GGTA1: variants seen among roughly 807,000 people sequenced by gnomAD.
GGTA1 encodes the protein inactive N-acetyllactosaminide alpha-1,3-galactosyltransferase.
GGTA1 carries 5 observed loss-of-function variants against 2.6 expected under a neutral mutation model. The observed-to-expected ratio is 1.92, with a 90% confidence interval of 1.00 to 4.04. The LOEUF is 4.04. GGTA1 is among the 30% of genes most tolerant of loss of function. The probability of loss-of-function intolerance (pLI) is 0.00; values close to 1 mark genes in which losing one functional copy is unlikely to be tolerated. For synonymous variants in GGTA1, 17 were observed against 5.0 expected (o/e 3.38, Z -3.19); for missense variants, 50 against 16.7 (o/e 2.99, Z -3.47).
exon 8 of GGTA1, chr9:121,445,905 C>G (rs950984955): frequency 7.9e-5 from 12 of 152,154 alleles, no homozygotes; most frequent in Non-Finnish European, 1.5e-4. Context: ...TCTGATGAAG[C>G]CCACATCCTA....
At chr9:121,450,147 G>T (rs893372973), downstream of GGTA1, among the ~76,000 whole-genome samples, 1 of 152,182 alleles carries the variant, frequency 6.6e-6, no homozygotes, top group Non-Finnish European at 1.5e-5. Context: ...TGCTTTTAAT[G>T]TTGGCATGTG....
Position 121,455,222 on chromosome 9 carries a change from C to G in GGTA1, c.*615G>C, listed in dbSNP as rs1190213705. 1 of 152,158 alleles carries G rather than the reference C, an allele frequency of 6.6e-6. No individual in the cohort carries two copies. The highest frequency in any genetic ancestry group is 6.5e-5 in the Admixed American group (1 of 15,280). 9.4% of individuals were successfully genotyped at this position (152,158 alleles called of 1,614,324 possible). On this transcript the variant is annotated 3_prime_UTR_variant, in exon 6 of 6. Transcript: ENST00000481799. ...AACCAAAAACCAAAAAACACCCACA[C>G]AGCTGTCTTATACTTCTGTAACCAT...
chr9:121,487,717 G>A (rs181256118), intron 1 of GGTA1, among the ~76,000 whole-genome samples: 21 of 152,184 alleles, frequency 1.4e-4, no homozygotes, highest in Non-Finnish European at 1.5e-5. Context: ...ACAAGGTATA[G>A]ACTTTTTTCT....
intron 1 of GGTA1, among the ~76,000 whole-genome samples, chr9:121,472,860 G>A (rs567151994): frequency 2.2e-4 from 33 of 152,140 alleles, no homozygotes; most frequent in Admixed American, 5.2e-4. Context: ...GGGATAGCCC[G>A]AATCAGACAT....
At chr9:121,492,408 C>G (rs1246692188) in intron 1 of GGTA1, among the ~76,000 whole-genome samples, 1 of 152,182 alleles carries the variant, frequency 6.6e-6, no homozygotes, top group African/African-American at 2.4e-5. Context: ...CACATTCAGC[C>G]CAGAGCTCTT....
intron 1 of GGTA1, chr9:121,479,174 C>T: frequency 2.2e-6 from 1 of 451,056 alleles, no homozygotes; most frequent in South Asian, 1.6e-5. Context: ...TAGGGCGATC[C>T]ACCCGTGACC....
chr9:121,496,553 A>AC (rs1828996116), intron 1 of GGTA1, among the ~76,000 whole-genome samples: 1 of 151,568 alleles, frequency 6.6e-6, no homozygotes, highest in Admixed American at 6.6e-5. Context: ...ACATGGTGAA[A>AC]CCCCAACTCT....
chr9:121,491,181 C>A (rs535915999), intron 1 of GGTA1, among the ~76,000 whole-genome samples: 10 of 152,294 alleles, frequency 6.6e-5, no homozygotes, highest in African/African-American at 2.2e-4. Flanking sequence ...AAAGCTACCC[C>A]ACTCCTAATT....
chr9:121,494,539 C>T (rs72762161), intron 1 of GGTA1: 6,645 of 152,466 alleles, frequency 0.044, 174 homozygotes, highest in East Asian at 0.11. Context: ...GTGGCTCACA[C>T]CTACCATCCC....
chr9:121,471,727 G>A lies in GGTA1; in HGVS notation c.-9-3796C>T, dbSNP rs149089318. 4.5e-4 allele frequency among the ~76,000 whole-genome samples: 69 copies of A among 152,226 alleles called. No individual in the cohort carries two copies. In the Middle Eastern group the frequency reaches 0.01, roughly 23 times the overall value. On this transcript the variant is annotated intron_variant, in intron 1 of 5. Coordinates refer to ENST00000481799, the MANE Select transcript of GGTA1 (RefSeq NM_001382585.1). ...AGTTTGCTGGGTAAAGATAGTCTCAGGCCTCTTCCCTCTAAGTACCATATG... is the reference window on the plus strand; with the variant it reads ...AGTTTGCTGGGTAAAGATAGTCTCAAGCCTCTTCCCTCTAAGTACCATATG...
In GGTA1 at chr9:121,487,292, GCTCAGGCTGCGCGCGGTGA is replaced by G. The variant is rs534651265; in HGVS notation, c.-10+12339_-10+12357del. On this transcript the variant is annotated intron_variant, in intron 1 of 5. Coordinates refer to ENST00000481799, the MANE Select transcript of GGTA1 (RefSeq NM_001382585.1). ...CTGAGCCTCACGAGTTAAAGATGAG[GCTCAGGCTGCGCGCGGTGA>G]CTCACACCTTAATCCCAGCACTTTG... Among the ~76,000 whole-genome samples, 1,115 of 152,180 alleles carry G rather than the reference GCTCAGGCTGCGCGCGGTGA, an allele frequency of 7.3e-3. 13 individuals carry two copies. The highest frequency in any genetic ancestry group is 0.026 in the African/African-American group (1,065 of 41,514).
downstream of GGTA1, among the ~76,000 whole-genome samples, chr9:121,452,504 C>CT (rs906271341): frequency 1.7e-4 from 26 of 149,098 alleles, no homozygotes; most frequent in Non-Finnish European, 3.1e-4. Context: ...TGAGGGCTAT[C>CT]TTTTTTTTTT....
intron 5 of GGTA1, among the ~76,000 whole-genome samples, chr9:121,459,852 A>G (rs1464783346): frequency 6.6e-6 from 1 of 152,196 alleles, no homozygotes; most frequent in Non-Finnish European, 1.5e-5. Context: ...ATGTTGATTG[A>G]TTTCTCCTGT....
At chr9:121,451,171 C>T (rs1045744708), downstream of GGTA1, among the ~76,000 whole-genome samples, 1 of 151,956 alleles carries the variant, frequency 6.6e-6, no homozygotes, top group Non-Finnish European at 1.5e-5. Context: ...TAATAACTAA[C>T]ATTAGAGCTA....
chr9:121,459,158 G>T (rs1589327909), intron 5 of GGTA1, among the ~76,000 whole-genome samples: 1 of 152,118 alleles, frequency 6.6e-6, no homozygotes, highest in Non-Finnish European at 1.5e-5. Context: ...TTCACAATGG[G>T]ATAGATGCTA....
Position 121,460,142 on chromosome 9 carries a change from G to T in GGTA1, c.260C>A (p.Thr87Lys). ...GREETKGRKMTQQSFGYGTGL... is the reference protein window; with the variant it reads ...GREETKGRKMKQQSFGYGTGL... Reference sequence around the variant, plus strand: ...AGTCCCATAGCCGAAGCTCTGTTGTGTCATTTTCCTTCCTTTGGTCTCCTC... The same window carrying T: ...AGTCCCATAGCCGAAGCTCTGTTGTTTCATTTTCCTTCCTTTGGTCTCCTC... Residue 87 changes from threonine to lysine, a missense_variant, in exon 5 of 6, where the codon ACA (threonine) becomes AAA (lysine). Transcript: ENST00000481799. 2.2e-6 allele frequency: 1 copy of T among 456,820 alleles called. No individual in the cohort carries two copies. The highest frequency in any genetic ancestry group is 2.0e-5 in the African/African-American group (1 of 50,160). 28.3% of individuals were successfully genotyped at this position (456,820 alleles called of 1,614,324 possible).
chr9:121,491,699 T>C (rs150475561), intron 1 of GGTA1, among the ~76,000 whole-genome samples: 1 of 152,246 alleles, frequency 6.6e-6, no homozygotes, highest in African/African-American at 2.4e-5. Context: ...AACCTCTGCC[T>C]CTTGGGTTCA....
intron 1 of GGTA1, among the ~76,000 whole-genome samples, chr9:121,477,830 A>G (rs1174997743): frequency 6.6e-6 from 1 of 151,878 alleles, no homozygotes; most frequent in Admixed American, 6.6e-5. Context: ...TGCTCGCCTC[A>G]GCCTCCCAAA....
At chr9:121,447,908 A>G (rs1276296807) in intron 7 of GGTA1, among the ~76,000 whole-genome samples, 4 of 152,150 alleles carry the variant, frequency 2.6e-5, no homozygotes, top group Non-Finnish European at 4.4e-5. Context: ...CTAGACATGC[A>G]CTACCCTATC....
Sources: allele counts gnomAD v4.1 joint callset (sites outside exome capture counted in the v4.1 genomes callset), GRCh38; gene constraint gnomAD v4.1.1; transcripts MANE v1.5; gene names NCBI Gene and HGNC (gene_info 2026-07-23, HGNC 2026-07-21).